PLEKHM1: variants seen among roughly 807,000 people sequenced by gnomAD.
PLEKHM1 encodes the protein pleckstrin homology and RUN domain containing M1.
Under a neutral mutation model 94.3 loss-of-function variants are expected in PLEKHM1, and 28 were observed. That is an observed-to-expected ratio of 0.30 (90% CI 0.22 to 0.41). PLEKHM1 has a LOEUF of 0.41. PLEKHM1 is among the 10% of genes least tolerant of loss of function. The pLI is 1.00. For synonymous variants in PLEKHM1, 424 were observed against 581.2 expected (o/e 0.73, Z 3.89); for missense variants, 907 against 1,358.6 (o/e 0.67, Z 5.22).
At chr17:45,452,999 A>G in intron 7 of PLEKHM1, 1 of 468,616 alleles carries the variant, frequency 2.1e-6, no homozygotes, top group Non-Finnish European at 3.9e-6. Context: ...CAGCAGAAAT[A>G]TTTGGAAGGA....
At chr17:45,452,531 G>A (rs1277439283) in intron 7 of PLEKHM1, among the ~76,000 whole-genome samples, 2 of 151,918 alleles carry the variant, frequency 1.3e-5, no homozygotes, top group South Asian at 2.1e-4. Flanking sequence ...CTGTGCTTCA[G>A]TTTCCTCCCC....
intron 2 of PLEKHM1, among the ~76,000 whole-genome samples, chr17:45,481,862 C>T (rs2051963655): frequency 6.6e-6 from 1 of 152,160 alleles, no homozygotes; most frequent in African/African-American, 2.4e-5. Flanking sequence ...CGAAAGCCAT[C>T]TCAGGATGCT....
intron 6 of PLEKHM1, chr17:45,456,499 G>A (rs1228811741): frequency 6.6e-6 from 1 of 152,272 alleles, no homozygotes; most frequent in African/African-American, 2.4e-5. Flanking sequence ...GAATAGCCTT[G>A]GAGATTTCAC....
chr17:45,446,952 C>T (rs1336983044), intron 8 of PLEKHM1, among the ~76,000 whole-genome samples: 5 of 152,120 alleles, frequency 3.3e-5, no homozygotes, highest in East Asian at 1.9e-4. Context: ...CCTTTTCGTT[C>T]GCTGCTGCTG....
chr17:45,455,488 C>A (rs1019340456), intron 6 of PLEKHM1, among the ~76,000 whole-genome samples: 13 of 151,960 alleles, frequency 8.6e-5, no homozygotes, highest in African/African-American at 3.1e-4. Flanking sequence ...TCCACCTGTG[C>A]CATACATGTC....
At chr17:45,473,538 A>C (rs923718430) in intron 4 of PLEKHM1, among the ~76,000 whole-genome samples, 1 of 152,048 alleles carries the variant, frequency 6.6e-6, no homozygotes, top group Admixed American at 6.6e-5. Context: ...AGTAATAAAT[A>C]AGGAAGAAAT....
At chr17:45,479,294 C>T (rs1259644948) in intron 2 of PLEKHM1, among the ~76,000 whole-genome samples, 9 of 152,098 alleles carry the variant, frequency 5.9e-5, no homozygotes, top group East Asian at 5.8e-4. Context: ...CCGAGGTGGG[C>T]GGATCACGAG....
At chr17:45,439,976 G>A (rs1471577679) in intron 10 of PLEKHM1, 187 bp downstream of exon 10, 7 of 662,172 alleles carry the variant, frequency 1.1e-5, no homozygotes, top group Non-Finnish European at 1.9e-5. Context: ...TTCCAGGGGT[G>A]CTGGGGGTAT....
chr17:45,465,331 G>A (rs1160384012), intron 5 of PLEKHM1, among the ~76,000 whole-genome samples: 1 of 151,936 alleles, frequency 6.6e-6, no homozygotes, highest in Non-Finnish European at 1.5e-5. Flanking sequence ...ACTGGGGATG[G>A]TGCTTTTGAG....
At chr17:45,489,830 C>A (rs773953449) in intron 1 of PLEKHM1, among the ~76,000 whole-genome samples, 1 of 152,064 alleles carries the variant, frequency 6.6e-6, no homozygotes, top group East Asian at 1.9e-4. Flanking sequence ...AAGCAATGGA[C>A]GCAGAGTTGG....
chr17:45,437,840 G>A lies in PLEKHM1; in HGVS notation c.*18C>T, dbSNP rs1259215113. The A allele has an allele frequency of 8.2e-6, 13 of 1,592,908 alleles. No homozygotes were observed. The highest frequency in any genetic ancestry group is 1.7e-4 in the Middle Eastern group (1 of 6,020). ...CACACTCACCCCCGGCTTTCAGAGC[G>A]GGGTCAGCAGATGGGCATCAGGCGA... On this transcript the variant is annotated 3_prime_UTR_variant, in exon 12 of 12. Transcript: ENST00000430334. The surrounding 1 kb of genome is among the most constrained non-coding windows in gnomAD (Gnocchi z 4.0).
chr17:45,475,998 C>T (rs2051718789), intron 3 of PLEKHM1: 1 of 530,974 alleles, frequency 1.9e-6, no homozygotes, highest in Non-Finnish European at 3.4e-6. Context: ...AACAACATAG[C>T]CAGATGTGGT....
intron 8 of PLEKHM1, among the ~76,000 whole-genome samples, chr17:45,448,788 C>A (rs1292502693): frequency 4.6e-5 from 7 of 151,968 alleles, no homozygotes; most frequent in Admixed American, 4.6e-4. Context: ...TGGCTAAGTT[C>A]AGCTGGAGAA....
intron 9 of PLEKHM1, among the ~76,000 whole-genome samples, chr17:45,443,945 TTC>T (rs1164065325): frequency 6.6e-6 from 1 of 152,042 alleles, no homozygotes; most frequent in East Asian, 1.9e-4. Flanking sequence ...CTGGAAGGCT[TTC>T]TGTTCTTCCA....
intron 4 of PLEKHM1, among the ~76,000 whole-genome samples, chr17:45,474,563 C>G (rs1475459108): frequency 1.3e-5 from 2 of 152,210 alleles, no homozygotes; most frequent in Non-Finnish European, 2.9e-5. Context: ...ATTTGTTGGA[C>G]GTTTTAAATG....
In PLEKHM1 at chr17:45,445,409, TTGTG is replaced by T. The variant is rs55793421; in HGVS notation, c.2837+57_2837+60del. ...TGTACATGTGCATATAAGTATGTGT[TTGTG>T]TGCATGCATGTGCGTGTGTACGTGC... On this transcript the variant is annotated intron_variant, in intron 9 of 11. Coordinates refer to ENST00000430334, the MANE Select transcript of PLEKHM1 (RefSeq NM_014798.3). This position sits in a 1 kb window ranked among gnomAD's most constrained non-coding sequence, Gnocchi z 4.2. 0.15 allele frequency: 216,377 copies of T among 1,407,996 alleles called. 15,833 individuals are homozygous for T. Among genetic ancestry groups the T allele is most frequent in the Middle Eastern group, 0.19 (974 of 5,038 alleles). 87.2% of individuals were successfully genotyped at this position (1,407,996 alleles called of 1,614,324 possible). A position where few individuals can be genotyped will look rare whatever the true frequency, so the allele number is the denominator to read the frequency against.
intron 8 of PLEKHM1, chr17:45,447,796 TTTTC>T (rs1378063827): frequency 6.7e-6 from 1 of 148,284 alleles, no homozygotes; most frequent in African/African-American, 2.5e-5. Flanking sequence ...ACGATTGTAC[TTTTC>T]TTTTTTTTTT....
rs1242012193 is a variant in PLEKHM1 at position 45,470,461 on chromosome 17, T to C, written c.924-1868A>G. ...CTGGCCAACATAGTGAAACCCTGTT[T>C]CTAATAAAAATACAAAAATTAGTTG... On this transcript the variant is annotated intron_variant, in intron 4 of 11. Transcript: ENST00000430334. 2.6e-5 allele frequency among the ~76,000 whole-genome samples: 4 copies of C among 152,418 alleles called. No homozygotes were observed. In the East Asian group the frequency reaches 7.7e-4, roughly 29 times the overall value.
chr17:45,451,406 C>T (rs576167061), intron 7 of PLEKHM1, among the ~76,000 whole-genome samples: 2 of 152,186 alleles, frequency 1.3e-5, no homozygotes, highest in Admixed American at 1.3e-4. Flanking sequence ...GTGCCCTGGG[C>T]AAAAAGCAGA....
Sources: gnomAD v4.1 joint callset for allele counts (sites outside exome capture counted in the v4.1 genomes callset) on GRCh38, gnomAD v4.1.1 for gene constraint, Gnocchi (gnomAD v3.1) non-coding constraint, MANE v1.5 for transcripts, NCBI Gene and HGNC (gene_info 2026-07-23, HGNC 2026-07-21) for gene names.